The following CTNNA3 variants were observed in gnomAD, a reference collection of about 807,000 sequenced individuals.
CTNNA3 encodes the protein catenin alpha 3, also known as catenin alpha-3.
CTNNA3 carries 76 observed loss-of-function variants against 95.7 expected under a neutral mutation model. The observed-to-expected ratio is 0.79, with a 90% confidence interval of 0.66 to 0.96. CTNNA3 has a LOEUF of 0.96. Among genes scored for constraint, CTNNA3 ranks in the 40% least tolerant of loss-of-function variants. The pLI, the probability that CTNNA3 is intolerant of heterozygous loss-of-function variation, is 0.00. For synonymous variants in CTNNA3, 431 were observed against 374.4 expected (o/e 1.15, Z -1.74); for missense variants, 1,191 against 1,089.8 (o/e 1.09, Z -1.31).
intron 5 of CTNNA3, among the ~76,000 whole-genome samples, chr10:67,466,769 A>C (rs139819123): frequency 3.6e-4 from 55 of 152,306 alleles, no homozygotes; most frequent in African/African-American, 1.3e-3. Flanking sequence ...ACATATGACA[A>C]ACAGTTGTTT....
intron 1 of CTNNA3, among the ~76,000 whole-genome samples, chr10:67,738,045 C>A (rs1841312928): frequency 6.6e-6 from 1 of 152,196 alleles, no homozygotes; most frequent in South Asian, 2.1e-4. Flanking sequence ...ACTGGTGATA[C>A]TTCCAGGTAT....
intron 10 of CTNNA3, among the ~76,000 whole-genome samples, chr10:66,588,119 G>T (rs1433621760): frequency 6.6e-6 from 1 of 151,998 alleles, no homozygotes; most frequent in Middle Eastern, 3.2e-3. Flanking sequence ...TGTGCATCCT[G>T]ATACCGCTTC....
chr10:67,402,419 G>T (rs1461533180), intron 5 of CTNNA3, among the ~76,000 whole-genome samples: 2 of 152,158 alleles, frequency 1.3e-5, no homozygotes, highest in Admixed American at 6.5e-5. Context: ...GAAAGATGAA[G>T]AGCAGAGAGT....
At chr10:66,705,658 C>G (rs1848092075) in intron 9 of CTNNA3, among the ~76,000 whole-genome samples, 1 of 151,920 alleles carries the variant, frequency 6.6e-6, no homozygotes. Context: ...TTTAATACTC[C>G]ATCTTTTTTT....
chr10:66,443,154 C>G (rs955834389), intron 11 of CTNNA3, among the ~76,000 whole-genome samples: 5 of 152,096 alleles, frequency 3.3e-5, no homozygotes, highest in Admixed American at 6.5e-5. Flanking sequence ...AACAAAGCAG[C>G]GGGGAAGCTC....
intron 11 of CTNNA3, among the ~76,000 whole-genome samples, chr10:66,491,033 C>G (rs903237549): frequency 9.2e-5 from 14 of 152,174 alleles, no homozygotes; most frequent in Non-Finnish European, 1.6e-4. Context: ...TGAAATTCCT[C>G]AAAGCCCTTT....
At chr10:67,040,328 T>C (rs1010298800) in intron 7 of CTNNA3, among the ~76,000 whole-genome samples, 3 of 152,078 alleles carry the variant, frequency 2.0e-5, no homozygotes, top group Non-Finnish European at 4.4e-5. Context: ...GCATGAAATT[T>C]TGTGATGGAG....
chr10:67,465,029 A>T (rs935097233), intron 5 of CTNNA3, among the ~76,000 whole-genome samples: 9 of 151,924 alleles, frequency 5.9e-5, no homozygotes, highest in African/African-American at 2.2e-4. Flanking sequence ...TCATAACCAT[A>T]GATGGGTAAT....
At chr10:67,421,077 AAGTCT>A (rs1845734077) in intron 5 of CTNNA3, among the ~76,000 whole-genome samples, 1 of 152,168 alleles carries the variant, frequency 6.6e-6, no homozygotes, top group Admixed American at 6.6e-5. Flanking sequence ...CACTTCACTA[AAGTCT>A]AGGGAACAGG....
chr10:66,253,132 A>G (rs1250565153), intron 13 of CTNNA3, among the ~76,000 whole-genome samples: 2 of 152,210 alleles, frequency 1.3e-5, no homozygotes, highest in African/African-American at 2.4e-5. Context: ...ATTCAAATCA[A>G]TGATACATTT....
intron 9 of CTNNA3, among the ~76,000 whole-genome samples, chr10:66,686,746 C>G (rs920002556): frequency 1.3e-5 from 2 of 151,928 alleles, no homozygotes; most frequent in African/African-American, 4.8e-5. Flanking sequence ...GAGTATTAAA[C>G]CAATATAGTA....
intron 10 of CTNNA3, among the ~76,000 whole-genome samples, chr10:66,596,521 G>A (rs367987870): frequency 3.9e-5 from 6 of 152,134 alleles, no homozygotes; most frequent in Non-Finnish European, 8.8e-5. Context: ...GAAAATAAGT[G>A]AGAGTCTCTT....
At chr10:66,637,103 T>C (rs1397776302) in intron 9 of CTNNA3, among the ~76,000 whole-genome samples, 1 of 152,120 alleles carries the variant, frequency 6.6e-6, no homozygotes. Context: ...AACATAGAAG[T>C]TTTAATATTA....
At chr10:67,231,618 C>G (rs1865216327) in intron 5 of CTNNA3, among the ~76,000 whole-genome samples, 1 of 152,126 alleles carries the variant, frequency 6.6e-6, no homozygotes, top group African/African-American at 2.4e-5. Flanking sequence ...AGCAGAGCAC[C>G]TCTCCTCCTC....
intron 15 of CTNNA3, 84 bp downstream of exon 15, chr10:66,069,224 C>T: frequency 7.4e-7 from 1 of 1,360,434 alleles, no homozygotes; most frequent in Non-Finnish European, 1.0e-6. Flanking sequence ...TGGCACTTGA[C>T]ACTCAGAGAA....
chr10:67,763,305 C>A (rs1001656950), intron 1 of CTNNA3, among the ~76,000 whole-genome samples: 2 of 151,896 alleles, frequency 1.3e-5, no homozygotes, highest in Admixed American at 6.6e-5. Context: ...AAAGAACAAT[C>A]TCAGACAAAA....
chr10:66,485,572 A>G (rs1435068418), intron 11 of CTNNA3, among the ~76,000 whole-genome samples: 1 of 152,178 alleles, frequency 6.6e-6, no homozygotes, highest in Non-Finnish European at 1.5e-5. Context: ...ATTATAAAAC[A>G]TTGATGAAAT....
chr10:66,681,437 A>C (rs934482736), intron 9 of CTNNA3, among the ~76,000 whole-genome samples: 2 of 152,148 alleles, frequency 1.3e-5, no homozygotes, highest in Admixed American at 6.5e-5. Context: ...AGAAAATAAA[A>C]TCTAGCATAC....
chr10:66,542,647 C>T (rs901292013), intron 10 of CTNNA3, among the ~76,000 whole-genome samples: 44 of 150,214 alleles, frequency 2.9e-4, no homozygotes, highest in African/African-American at 1.0e-3. Flanking sequence ...GACAAAAAAC[C>T]AAACACCGCA....
Sources: allele counts gnomAD v4.1 joint callset (sites outside exome capture counted in the v4.1 genomes callset), GRCh38; gene constraint gnomAD v4.1.1; transcripts MANE v1.5; gene names NCBI Gene and HGNC (gene_info 2026-07-23, HGNC 2026-07-21).